MEGF6: variants seen among roughly 807,000 people sequenced by gnomAD.
MEGF6 encodes the protein multiple EGF like domains 6, also known as multiple epidermal growth factor-like domains protein 6.
In MEGF6, 184 loss-of-function variants were observed where a neutral mutation model predicts 207.1. The ratio of observed to expected loss-of-function variants is 0.89; its 90% CI spans 0.79 to 1.00. The LOEUF (loss-of-function observed/expected upper bound fraction) is 1.00. Ranked by LOEUF, MEGF6 falls within the 50% of genes least tolerant of loss-of-function variation. MEGF6 has a pLI of 0.00. For synonymous variants in MEGF6, 1,038 were observed against 910.0 expected, an observed-to-expected ratio of 1.14 and a Z score of -2.53; for missense variants, 2,282 against 2,202.9, an observed-to-expected ratio of 1.04 and a Z score of -0.72.
chr1:3,535,328 A>C (rs1002325051), intron 4 of MEGF6, among the ~76,000 whole-genome samples: 6 of 152,138 alleles, frequency 3.9e-5, no homozygotes, highest in African/African-American at 1.2e-4. Context: ...TTTCTGCCCC[A>C]AAACCCCCAA....
chr1:3,559,775 G>C (rs1643139074), intron 4 of MEGF6, among the ~76,000 whole-genome samples: 1 of 152,138 alleles, frequency 6.6e-6, no homozygotes, highest in Non-Finnish European at 1.5e-5. Context: ...ACTTCGGGAG[G>C]CCGAGGCGGG....
intron 4 of MEGF6, among the ~76,000 whole-genome samples, chr1:3,574,411 C>G (rs911041024): frequency 6.6e-6 from 1 of 152,192 alleles, no homozygotes; most frequent in Admixed American, 6.5e-5. Flanking sequence ...CCTCCCAAAC[C>G]TTCCCCAGCC....
At chr1:3,579,559 G>A (rs1322713616) in intron 4 of MEGF6, among the ~76,000 whole-genome samples, 1 of 152,206 alleles carries the variant, frequency 6.6e-6, no homozygotes, top group Non-Finnish European at 1.5e-5. Flanking sequence ...TAAACAGCAG[G>A]GCTGGACGCA....
At position 3,605,274 on chromosome 1, in the gene MEGF6, CCACA is replaced by C. The variant is rs537191638; in HGVS notation, c.132-2678_132-2675del. Among the ~76,000 whole-genome samples, 15 of 151,728 alleles carry C rather than the reference CCACA, an allele frequency of 9.9e-5. No homozygotes were observed. The South Asian group carries it at 1.9e-3, about 19-fold the overall frequency. ...AAGGCACTCACACATACTCTCACAC[CCACA>C]CAATCACACAAACGCAATCACACAC... is the stretch of plus-strand genomic sequence containing the variant. On this transcript the variant is annotated intron_variant, in intron 1 of 36. Transcript: ENST00000356575.
Position 3,505,427 on chromosome 1 carries a change from T to C in MEGF6, c.2048A>G (p.Gln683Arg). ...CKAGFRGERC[Q>R]AECELGYFGP... ...GACCCCATGCCTGGACTCACCTGCCTGACAGCGCTCGCCCCGGAAGCCAGC... is the reference window on the plus strand; with the variant it reads ...GACCCCATGCCTGGACTCACCTGCCCGACAGCGCTCGCCCCGGAAGCCAGC... Residue 683 changes from glutamine (Q) to arginine (R), a missense_variant, in exon 16 of 37, where the codon CAG becomes CGG. Physicochemically the swap from Gln to Arg is conservative, Grantham distance 43. Transcript: ENST00000356575. The C allele has an allele frequency of 2.5e-6, 4 of 1,592,062 alleles. No homozygotes were observed. In the Middle Eastern group the frequency reaches 6.7e-4, roughly 265 times the overall value.
Position 3,494,058 on chromosome 1 carries a change from C to A in MEGF6, c.4196G>T (p.Cys1399Phe). Residue 1399 changes from cysteine (C) to phenylalanine (F), a missense_variant, in exon 33 of 37, where the codon TGC becomes TTC. Physicochemically the swap from Cys to Phe is radical, Grantham distance 205. Coordinates refer to ENST00000356575, the MANE Select transcript of MEGF6 (RefSeq NM_001409.4). ...GAGGCATCGGCCACTGATGGGGTCG[C>A]AGGGGGCTCCATGTTGACACCAGCA... ...GLCWCQHGAPCDPISGRCLCP... is the reference protein window; with the variant it reads ...GLCWCQHGAPFDPISGRCLCP... 6.2e-7 allele frequency: 1 copy of A among 1,606,814 alleles called. No homozygotes were observed. Among genetic ancestry groups the A allele is most frequent in the Non-Finnish European group, 8.5e-7 (1 of 1,176,816 alleles).
At chr1:3,569,720 C>T (rs553708335) in intron 4 of MEGF6, among the ~76,000 whole-genome samples, 3 of 152,322 alleles carry the variant, frequency 2.0e-5, no homozygotes, top group South Asian at 2.1e-4. Context: ...CCTGGACAGC[C>T]GTCCATGCTA....
intron 26 of MEGF6, 42 bp from the exon 27 acceptor site, chr1:3,497,403 C>T (rs765858740): frequency 1.8e-5 from 27 of 1,484,504 alleles, no homozygotes; most frequent in South Asian, 1.1e-4. Flanking sequence ...AGGAGGGGCC[C>T]GTGGGGATCT....
chr1:3,559,522 TAAAAAAAAAAA>T (rs59799522), intron 4 of MEGF6, among the ~76,000 whole-genome samples: 2 of 105,544 alleles, frequency 1.9e-5, no homozygotes, highest in African/African-American at 3.4e-5. Context: ...CCTTGTCTCT[TAAAAAAAAAAA>T]AAAAAAAAAA....
chr1:3,554,118 G>A (rs1642968161), intron 4 of MEGF6, among the ~76,000 whole-genome samples: 1 of 152,158 alleles, frequency 6.6e-6, no homozygotes, highest in Non-Finnish European at 1.5e-5. Flanking sequence ...CCTGCTTGGG[G>A]TGGGGAAGAG....
rs749429997 is a variant in MEGF6, at chr1:3,501,853, C to G, written c.2257G>C (p.Gly753Arg). The change falls in exon 18 of 37, where the codon GGG becomes CGG. Residue 753 changes from glycine to arginine, a missense_variant. Gly to Arg is a moderately radical substitution (Grantham distance 125, BLOSUM62 -2). Coordinates refer to ENST00000356575, the MANE Select transcript of MEGF6 (RefSeq NM_001409.4). ...GGACACCGGCACTGCCCCGTGACCC[C>G]GTGGCAGGGGGCCCCCCCACAGGAG... The part of the protein sequence containing the change: ...SCSCGGAPCH[G>R]VTGQCRCPPG... 2 of 1,608,062 alleles carry G rather than the reference C, an allele frequency of 1.2e-6. No homozygotes were observed. Among genetic ancestry groups the G allele is most frequent in the Non-Finnish European group, 1.7e-6 (2 of 1,178,436 alleles).
intron 4 of MEGF6, among the ~76,000 whole-genome samples, chr1:3,579,614 G>T (rs894235290): frequency 6.6e-6 from 1 of 152,240 alleles, no homozygotes; most frequent in Admixed American, 6.5e-5. Context: ...ACTGACGGGG[G>T]GTCTCTCAGG....
At position 3,514,672 on chromosome 1, in the gene MEGF6, C is replaced by T. The variant is rs1217345224; in HGVS notation, c.731G>A (p.Arg244His). The part of the protein sequence containing the change: ...QLQEDGRHCV[R>H]RSPCANRNGS... Reference sequence around the variant, plus strand: ...GTTCCTGTTGGCACACGGGCTTCTACCTGCAGCCACGGGCCCGAGGAGGGG... The same window carrying T: ...GTTCCTGTTGGCACACGGGCTTCTATCTGCAGCCACGGGCCCGAGGAGGGG... Residue 244 changes from arginine (R) to histidine (H), a missense_variant and splice_region_variant, in exon 7 of 37, where the codon CGT becomes CAT. Physicochemically the swap from Arg to His is conservative, Grantham distance 29. Transcript: ENST00000356575. 4 of 1,574,510 alleles carry T rather than the reference C, an allele frequency of 2.5e-6. No homozygotes were observed. The highest frequency in any genetic ancestry group is 1.3e-5 in the African/African-American group (1 of 74,510).
chr1:3,546,811 C>T (rs1417020152), intron 4 of MEGF6, among the ~76,000 whole-genome samples: 4 of 123,842 alleles, frequency 3.2e-5, no homozygotes, highest in African/African-American at 6.4e-5. Context: ...CCAGGGAGGC[C>T]GAGGTGGGGT....
At chr1:3,542,679 A>G (rs1642568691) in intron 4 of MEGF6, among the ~76,000 whole-genome samples, 1 of 152,052 alleles carries the variant, frequency 6.6e-6, no homozygotes, top group Non-Finnish European at 1.5e-5. Context: ...AGATTGCTGT[A>G]AGGGCTGAGA....
At chr1:3,496,071 G>A (rs1640590394) in intron 29 of MEGF6, 53 bp from the exon 30 acceptor site, 6 of 1,465,180 alleles carry the variant, frequency 4.1e-6, no homozygotes, top group Middle Eastern at 1.9e-4. Context: ...TCCCTGCCCG[G>A]TCAACCCCGG....
chr1:3,511,406 C>T, intron 9 of MEGF6, 144 bp downstream of exon 9: 2 of 1,069,770 alleles, frequency 1.9e-6, no homozygotes, highest in Non-Finnish European at 2.6e-6. Context: ...TGCCCTACCA[C>T]CCCGCCAGGG....
At chr1:3,531,344 G>A (rs1446618126) in intron 4 of MEGF6, 3 of 1,204,972 alleles carry the variant, frequency 2.5e-6, no homozygotes, top group Non-Finnish European at 1.0e-6. Flanking sequence ...GCTGGTTCTG[G>A]GTTCCGGGCG....
chr1:3,509,198 G>C lies in MEGF6; in HGVS notation c.1405C>G (p.Arg469Gly). The C allele has an allele frequency of 6.4e-7, 1 of 1,562,674 alleles. No individual in the cohort carries two copies. Among genetic ancestry groups the C allele is most frequent in the Non-Finnish European group, 8.7e-7 (1 of 1,154,204 alleles). ...VDLDGELPFVRPLPHIAVLQD... is the reference protein window; with the variant it reads ...VDLDGELPFVGPLPHIAVLQD... ...AGCACGGCAATGTGGGGCAGGGGCC[G>C]CACGAAAGGCAGCTCGCCGTCCAGG... is the stretch of plus-strand genomic sequence containing the variant. The change falls in exon 12 of 37, where the codon CGG becomes GGG. Residue 469 changes from arginine to glycine, a missense_variant. Transcript: ENST00000356575.
Sources: gnomAD v4.1 joint callset for allele counts (sites outside exome capture counted in the v4.1 genomes callset) on GRCh38, gnomAD v4.1.1 for gene constraint, MANE v1.5 for transcripts, NCBI Gene and HGNC (gene_info 2026-07-23, HGNC 2026-07-21) for gene names.